PCGF2: variants seen among roughly 807,000 people sequenced by gnomAD.
PCGF2 encodes the protein polycomb group ring finger 2, also known as polycomb group RING finger protein 2.
In PCGF2, 8 loss-of-function variants were observed where a neutral mutation model predicts 36.1. The observed-to-expected ratio is 0.22, with a 90% CI of 0.13 to 0.40. The LOEUF (loss-of-function observed/expected upper bound fraction) is 0.40, where lower values mean the gene tolerates loss of function less well. Among genes scored for constraint, PCGF2 ranks in the 10% least tolerant of loss-of-function variants. The probability of loss-of-function intolerance (pLI) is 1.00; values close to 1 mark genes in which losing one functional copy is unlikely to be tolerated. For synonymous variants in PCGF2, 198 were observed against 191.2 expected, an observed-to-expected ratio of 1.04 and a Z score of -0.29; for missense variants, 436 against 475.9, an observed-to-expected ratio of 0.92 and a Z score of 0.78.
chr17:38,738,636 G>T lies in PCGF2; in HGVS notation c.426-41C>A, dbSNP rs1173754329. On this transcript the variant is annotated intron_variant, in intron 7 of 10. Transcript: ENST00000620225. ...GAATGAAGCTAGGAAGACCCAGGAAGAACCAGGAGACCCAGGAGGATGATC... is the reference window on the plus strand; with the variant it reads ...GAATGAAGCTAGGAAGACCCAGGAATAACCAGGAGACCCAGGAGGATGATC... 2.6e-6 allele frequency: 4 copies of T among 1,556,650 alleles called. No homozygotes were observed. The East Asian group carries it at 6.7e-5, about 26-fold the overall frequency.
rs1196012639 is a variant in PCGF2 at position 38,739,151 on chromosome 17, A to G, written c.266-33T>C. 3 of 1,614,094 alleles carry G rather than the reference A, an allele frequency of 1.9e-6. No homozygotes were observed. The highest frequency in any genetic ancestry group is 1.3e-5 in the African/African-American group (1 of 75,048). ...AAGGCAGCAGGATGAGGACAGGGCC[A>G]TGGGTTGGGAAATGGGGTCAGTGGA... is the stretch of plus-strand genomic sequence containing the variant. On this transcript the variant is annotated intron_variant, in intron 5 of 10. Coordinates refer to ENST00000620225, the MANE Select transcript of PCGF2 (RefSeq NM_007144.3). This position sits in a 1 kb window ranked among gnomAD's most constrained non-coding sequence, Gnocchi z 4.0.
chr17:38,748,367 GGGGACCGAGGGGGGAGGGGA>G, upstream of PCGF2: 1 of 135,630 alleles, frequency 7.4e-6, no homozygotes, highest in Non-Finnish European at 1.6e-5. Context: ...GGGGAGGGGA[GGGGACCGAGGGGGGAGGGGA>G]GGGACCGGAG....
At chr17:38,742,940 T>C (rs1408396258) in intron 2 of PCGF2, among the ~76,000 whole-genome samples, 3 of 152,214 alleles carry the variant, frequency 2.0e-5, no homozygotes, top group South Asian at 4.1e-4. Context: ...TCTCTGTTGC[T>C]GGGGTAAATC....
intron 2 of PCGF2, among the ~76,000 whole-genome samples, 190 bp from the exon 3 acceptor site, chr17:38,740,632 A>G (rs979113769): frequency 3.9e-5 from 6 of 152,110 alleles, no homozygotes; most frequent in Admixed American, 6.6e-5. Flanking sequence ...GGTGGTGGGC[A>G]CCTGTAGTCC....
chr17:38,742,352 C>T (rs141680341), intron 2 of PCGF2, among the ~76,000 whole-genome samples: 95 of 152,334 alleles, frequency 6.2e-4, no homozygotes, highest in African/African-American at 2.2e-3. Context: ...AAGAAATTCA[C>T]AGCCGGGATC....
At chr17:38,745,182 AT>A (rs1907459050) in intron 2 of PCGF2, among the ~76,000 whole-genome samples, 1 of 152,272 alleles carries the variant, frequency 6.6e-6, no homozygotes, top group African/African-American at 2.4e-5. Flanking sequence ...AATACAAAAC[AT>A]TAGTTGGGTG....
Position 38,736,120 on chromosome 17 carries a change from C to T in PCGF2, c.627G>A (p.Met209Ile). The change falls in exon 10 of 11, where the codon ATG becomes ATA. Residue 209 changes from methionine to isoleucine, a missense_variant. Physicochemically the swap from Met to Ile is conservative, Grantham distance 10 (BLOSUM62 1). Around this residue, in one of 3 missense-constraint regions of PCGF2, gnomAD observed 227 missense variants for 212.9 expected, o/e 1.07. Coordinates refer to ENST00000620225, the MANE Select transcript of PCGF2 (RefSeq NM_007144.3). ...GCCAGGGGTAGATGTAGGCGATGTC[C>T]ATGAGGGTGTAGTATTCCTTCAGTG... is the stretch of plus-strand genomic sequence containing the variant. ...DEPLKEYYTL[M>I]DIAYIYPWRR... is the part of the protein sequence containing the mutation. 6.3e-7 allele frequency: 1 copy of T among 1,586,464 alleles called. No individual in the cohort carries two copies. Among genetic ancestry groups the T allele is most frequent in the Non-Finnish European group, 8.6e-7 (1 of 1,166,132 alleles).
intron 2 of PCGF2, among the ~76,000 whole-genome samples, chr17:38,740,822 T>TC (rs764088749): frequency 2.0e-5 from 3 of 151,694 alleles, no homozygotes; most frequent in East Asian, 3.9e-4. Flanking sequence ...ACTCCACACC[T>TC]CCCCCCACCA....
chr17:38,735,373 G>C lies in PCGF2; in HGVS notation c.885C>G (p.Thr295=). The C allele has an allele frequency of 6.4e-7, 1 of 1,564,154 alleles. No homozygotes were observed. The highest frequency in any genetic ancestry group is 8.7e-7 in the Non-Finnish European group (1 of 1,153,096). Residue 295 remains threonine (T), a synonymous_variant, in exon 11 of 11, where the codon ACC becomes ACG. Coordinates refer to ENST00000620225, the MANE Select transcript of PCGF2 (RefSeq NM_007144.3). ...GSPSSHGPPA[T]HPTSPTPPST... Reference sequence around the variant, plus strand: ...AAGGGGGAGTGGGGGAGGTAGGGTGGGTGGCTGGAGGCCCATGGGAACTGG... The same window carrying C: ...AAGGGGGAGTGGGGGAGGTAGGGTGCGTGGCTGGAGGCCCATGGGAACTGG...
At chr17:38,736,063 C>T in intron 10 of PCGF2, 27 bp downstream of exon 10, 1 of 1,509,258 alleles carries the variant, frequency 6.6e-7, no homozygotes, top group African/African-American at 1.4e-5. Flanking sequence ...GGAGTCTGCT[C>T]CCTGCCCGCC....
At position 38,740,335 on chromosome 17, in the gene PCGF2, C is replaced by T. The variant is rs1388718872; in HGVS notation, c.68G>A (p.Gly23Glu). 1 of 1,613,060 alleles carries T rather than the reference C, an allele frequency of 6.2e-7. No homozygotes were observed. The highest frequency in any genetic ancestry group is 1.7e-5 in the Admixed American group (1 of 59,990). Residue 23 changes from glycine to glutamate, a missense_variant, in exon 3 of 11, where the codon GGG becomes GAG. Physicochemically the swap from Gly to Glu is moderately conservative, Grantham distance 98 (BLOSUM62 -2). Transcript: ENST00000620225. ...GATAGTGGTGGCGTCGATGAAGTACCCCCCGCAGAGGGCACACATGAGGTG... is the reference window on the plus strand; with the variant it reads ...GATAGTGGTGGCGTCGATGAAGTACTCCCCGCAGAGGGCACACATGAGGTG... The part of the protein sequence containing the change: ...NPHLMCALCG[G>E]YFIDATTIVE...
At chr17:38,736,483 C>T (rs1227764811) in intron 9 of PCGF2, among the ~76,000 whole-genome samples, 3 of 152,174 alleles carry the variant, frequency 2.0e-5, no homozygotes, top group African/African-American at 7.2e-5. Flanking sequence ...AGGGGGATCT[C>T]CTGGAACTCT....
At position 38,735,532 on chromosome 17, in the gene PCGF2, G is replaced by A. The variant is rs374129454; in HGVS notation, c.726C>T (p.Pro242=). ...TGGTGTTGGTGCCCTCGGAGGGGGT[G>A]GGCACCGTGGCTAGGGTGAGCCGCT... ...ACKRLTLATV[P]TPSEGTNTSG... Residue 242 remains proline (P), a synonymous_variant, in exon 11 of 11, where the codon CCC becomes CCT. Transcript: ENST00000620225. The A allele has an allele frequency of 1.4e-5, 22 of 1,589,232 alleles. No individual in the cohort carries two copies. In the African/African-American group the frequency reaches 2.8e-4, roughly 20 times the overall value.
Position 38,734,428 on chromosome 17 carries a change from C to T in PCGF2, c.*795G>A, listed in dbSNP as rs1906513705. ...TAAGGTTGGTGGGGGTGCAGCGCTT[C>T]ACAATGCTAAAGCCTTAGCCCTCCT... On this transcript the variant is annotated 3_prime_UTR_variant, in exon 11 of 11. Coordinates refer to ENST00000620225, the MANE Select transcript of PCGF2 (RefSeq NM_007144.3). 6.6e-6 allele frequency: 1 copy of T among 152,064 alleles called. No homozygotes were observed. The highest frequency in any genetic ancestry group is 1.5e-5 in the Non-Finnish European group (1 of 68,014). 9.4% of individuals were successfully genotyped at this position (152,064 alleles called of 1,614,324 possible). A position where few individuals can be genotyped will look rare whatever the true frequency, so the allele number is the denominator to read the frequency against.
chr17:38,740,560 C>A, intron 2 of PCGF2, 118 bp from the exon 3 acceptor site: 4 of 649,692 alleles, frequency 6.2e-6, no homozygotes, highest in South Asian at 4.0e-5. Context: ...GAGATTGAGA[C>A]CATCTTGACT....
intron 9 of PCGF2, among the ~76,000 whole-genome samples, chr17:38,736,372 G>T (rs960170347): frequency 6.6e-6 from 1 of 152,222 alleles, no homozygotes. Context: ...AAGGGTTCCA[G>T]AGAAGTTTCC....
chr17:38,745,459 C>T (rs1907477978), intron 2 of PCGF2, among the ~76,000 whole-genome samples: 1 of 152,114 alleles, frequency 6.6e-6, no homozygotes, highest in South Asian at 2.1e-4. Flanking sequence ...GAGTGGAGAT[C>T]GTGCCACTGC....
At chr17:38,744,535 T>C (rs1156677423) in intron 2 of PCGF2, among the ~76,000 whole-genome samples, 2 of 152,140 alleles carry the variant, frequency 1.3e-5, no homozygotes, top group African/African-American at 2.4e-5. Context: ...TTTGTATTTT[T>C]AGTAGAGACA....
chr17:38,743,524 C>T (rs773637114), intron 2 of PCGF2, among the ~76,000 whole-genome samples: 6 of 152,138 alleles, frequency 3.9e-5, no homozygotes, highest in Non-Finnish European at 7.4e-5. Context: ...TTTCTAGACA[C>T]GAGGCCCAAG....
Sources: allele counts gnomAD v4.1 joint callset (sites outside exome capture counted in the v4.1 genomes callset), GRCh38; gene constraint gnomAD v4.1.1; regional missense constraint gnomAD v4.1.1; non-coding constraint Gnocchi (gnomAD v3.1); transcripts MANE v1.5; gene names NCBI Gene and HGNC (gene_info 2026-07-23, HGNC 2026-07-21).